UBE3A: variants seen among roughly 807,000 people sequenced by gnomAD.
UBE3A encodes ubiquitin-protein ligase E3A.
Under a neutral mutation model 83.4 loss-of-function variants are expected in UBE3A, and 6 were observed. The ratio of observed to expected loss-of-function variants is 0.07; its 90% CI spans 0.04 to 0.14. The LOEUF is 0.14. Among genes scored for constraint, UBE3A ranks in the 10% least tolerant of loss-of-function variants. UBE3A has a pLI of 1.00. For synonymous variants in UBE3A, 337 were observed against 355.4 expected (o/e 0.95, Z 0.58); for missense variants, 456 against 1,036.1 (o/e 0.44, Z 7.69).
chr15:25,382,825 T>A (rs1022427806), intron 4 of UBE3A, among the ~76,000 whole-genome samples: 1 of 151,976 alleles, frequency 6.6e-6, no homozygotes, highest in African/African-American at 2.4e-5. Flanking sequence ...TGAACAACTA[T>A]GACCCAAAAA....
intron 11 of UBE3A, among the ~76,000 whole-genome samples, chr15:25,351,595 G>A (rs8029139): frequency 0.12 from 17,933 of 152,184 alleles, 1,142 homozygotes; most frequent in Middle Eastern, 0.23. Context: ...TCAGCCTCCC[G>A]AGGAGCTGGG....
chr15:25,425,336 G>C (rs1208974890), intron 1 of UBE3A, among the ~76,000 whole-genome samples: 1 of 152,142 alleles, frequency 6.6e-6, no homozygotes, highest in Non-Finnish European at 1.5e-5. Flanking sequence ...AACAGGTTAG[G>C]ATTTATTTTG....
At chr15:25,369,299 T>C (rs1215891062) in intron 6 of UBE3A, among the ~76,000 whole-genome samples, 2 of 150,638 alleles carry the variant, frequency 1.3e-5, no homozygotes, top group Admixed American at 1.3e-4. Flanking sequence ...ACCACCTGAG[T>C]TGCTTAAATA....
chr15:25,346,436 A>T (rs918772799), intron 11 of UBE3A: 1 of 149,508 alleles, frequency 6.7e-6, no homozygotes, highest in African/African-American at 2.5e-5. Context: ...TAAAATTTTT[A>T]AAAAGTACAG....
intron 1 of UBE3A, among the ~76,000 whole-genome samples, chr15:25,433,319 G>A (rs1379943259): frequency 6.6e-6 from 1 of 151,962 alleles, no homozygotes; most frequent in Non-Finnish European, 1.5e-5. Context: ...GAGTAGTTGG[G>A]ACTACAGGCA....
intron 11 of UBE3A, among the ~76,000 whole-genome samples, chr15:25,342,320 G>C (rs953675505): frequency 6.6e-6 from 1 of 152,082 alleles, no homozygotes; most frequent in Non-Finnish European, 1.5e-5. Context: ...CCGAAGAACA[G>C]AGACAGACCC....
Position 25,360,371 on chromosome 15 carries a change from T to C in UBE3A, c.1753+12A>G, listed in dbSNP as rs368720379. On this transcript the variant is annotated intron_variant, in intron 7 of 12. Transcript: ENST00000648336. ...TGATACGACACCATAATCACATTAC[T>C]AATGTATTTACCAATATCTGGATTG... is the stretch of plus-strand genomic sequence containing the variant. The C allele has an allele frequency of 1.4e-5, 22 of 1,613,402 alleles. No homozygotes were observed. The highest frequency in any genetic ancestry group is 1.7e-5 in the Admixed American group (1 of 59,998).
intron 1 of UBE3A, chr15:25,438,174 G>A (rs952519501): frequency 3.9e-5 from 6 of 152,258 alleles, no homozygotes; most frequent in Non-Finnish European, 5.9e-5. Context: ...CTGGCTCGAA[G>A]AGCCTGGCTC....
chr15:25,343,600 A>AAT (rs745992539), intron 11 of UBE3A, among the ~76,000 whole-genome samples: 3 of 152,142 alleles, frequency 2.0e-5, no homozygotes. Context: ...TAACTAAAGA[A>AAT]ATGCATATCA....
intron 11 of UBE3A, among the ~76,000 whole-genome samples, chr15:25,351,493 G>T (rs1023276242): frequency 6.6e-6 from 1 of 152,100 alleles, no homozygotes; most frequent in Non-Finnish European, 1.5e-5. Context: ...TTTTTGAGAT[G>T]GAATCTCACT....
At chr15:25,429,175 T>C (rs1892302809) in intron 1 of UBE3A, among the ~76,000 whole-genome samples, 1 of 152,206 alleles carries the variant, frequency 6.6e-6, no homozygotes, top group African/African-American at 2.4e-5. Flanking sequence ...TACAGATACA[T>C]GTACACATGT....
intron 4 of UBE3A, among the ~76,000 whole-genome samples, chr15:25,388,438 GT>G (rs1165186058): frequency 6.6e-6 from 1 of 152,076 alleles, no homozygotes; most frequent in Non-Finnish European, 1.5e-5. Context: ...ATAGAAACTA[GT>G]AAACTAGGAA....
At chr15:25,394,154 T>C (rs895193671) in intron 4 of UBE3A, among the ~76,000 whole-genome samples, 4 of 152,196 alleles carry the variant, frequency 2.6e-5, no homozygotes, top group African/African-American at 9.7e-5. Context: ...TTCTATTATA[T>C]ATAATAACTG....
chr15:25,431,375 C>G (rs945673662), intron 1 of UBE3A, among the ~76,000 whole-genome samples: 2 of 152,096 alleles, frequency 1.3e-5, no homozygotes, highest in African/African-American at 4.8e-5. Flanking sequence ...GAGATGAAAT[C>G]TTGCTTGCCC....
At chr15:25,380,799 A>C (rs951425158) in intron 4 of UBE3A, among the ~76,000 whole-genome samples, 1 of 152,250 alleles carries the variant, frequency 6.6e-6, no homozygotes, top group African/African-American at 2.4e-5. Context: ...TTTTAAAATA[A>C]AACAAACTTT....
rs763388142 is a variant in UBE3A, at chr15:25,371,021, C to T, written c.1153G>A (p.Val385Met). 8 of 1,613,956 alleles carry T rather than the reference C, an allele frequency of 5.0e-6. No individual in the cohort carries two copies. The African/African-American group carries it at 9.3e-5, about 19-fold the overall frequency. Reference sequence around the variant, plus strand: ...TCTTCTTCATTGTGATTTGTGTCCACTTCCCCTCCCACTACATTTGCATAG... The same window carrying T: ...TCTTCTTCATTGTGATTTGTGTCCATTTCCCCTCCCACTACATTTGCATAG... ...VYYANVVGGE[V>M]DTNHNEEDDE... is the part of the protein sequence containing the mutation. The change falls in exon 6 of 13, where the codon GTG becomes ATG. Residue 385 changes from valine (V) to methionine (M), a missense_variant. Val to Met is a conservative substitution (Grantham distance 21). Around this residue, in one of 13 missense-constraint regions of UBE3A, gnomAD observed 85 missense variants for 137.0 expected, o/e 0.62. Coordinates refer to ENST00000648336, the MANE Select transcript of UBE3A (RefSeq NM_130839.5). The surrounding 1 kb of genome is among the most constrained non-coding windows in gnomAD (Gnocchi z 5.3).
chr15:25,382,587 T>A (rs555006074), intron 4 of UBE3A, among the ~76,000 whole-genome samples: 12 of 150,274 alleles, frequency 8.0e-5, no homozygotes, highest in African/African-American at 2.7e-4. Flanking sequence ...ATAAAAAAAA[T>A]AAAAATAAAT....
chr15:25,410,946 G>A (rs1326633356), intron 2 of UBE3A, among the ~76,000 whole-genome samples: 2 of 151,080 alleles, frequency 1.3e-5, no homozygotes, highest in African/African-American at 2.5e-5. Flanking sequence ...ATTCAAACAA[G>A]TCTAACTTTC....
At chr15:25,395,395 A>G (rs1353247814) in intron 4 of UBE3A, among the ~76,000 whole-genome samples, 1 of 152,234 alleles carries the variant, frequency 6.6e-6, no homozygotes, top group Non-Finnish European at 1.5e-5. Flanking sequence ...TCTTTTGCCA[A>G]AAGATGATGC....
Sources: gnomAD v4.1 joint callset for allele counts (sites outside exome capture counted in the v4.1 genomes callset) on GRCh38, gnomAD v4.1.1 for gene constraint, gnomAD v4.1.1 regional missense constraint, Gnocchi (gnomAD v3.1) non-coding constraint, MANE v1.5 for transcripts, NCBI Gene and HGNC (gene_info 2026-07-23, HGNC 2026-07-21) for gene names.